The following NFATC2IP variants were observed in gnomAD, a reference collection of about 807,000 sequenced individuals.
The protein encoded by NFATC2IP is nuclear factor of activated T cells 2 interacting protein.
A neutral mutation model predicts 40.2 loss-of-function variants in NFATC2IP; 25 were observed. The observed-to-expected ratio is 0.62, with a 90% confidence interval of 0.45 to 0.87. The LOEUF (loss-of-function observed/expected upper bound fraction) is 0.87. Ranked by LOEUF, NFATC2IP falls within the 40% of genes least tolerant of loss-of-function variation. NFATC2IP has a pLI of 0.00. For synonymous variants in NFATC2IP, 241 were observed against 236.3 expected (o/e 1.02, Z -0.18); for missense variants, 553 against 555.6 (o/e 1.00, Z 0.05).
rs1374358406 is a variant in NFATC2IP at position 28,952,328 on chromosome 16, T to A, written c.460+124T>A. 4 of 1,436,172 alleles carry A rather than the reference T, an allele frequency of 2.8e-6. No homozygotes were observed. The African/African-American group carries it at 5.7e-5, about 20-fold the overall frequency. The allele number at this position is 1,436,172 out of a possible 1,614,324, so 89.0% of individuals were successfully genotyped here. ...AAGGGAAGAGCGTGGGAGAGGGGAC[T>A]CCTGCATCCCAGCCACAGGAGCTGG... On this transcript the variant is annotated intron_variant, in intron 2 of 7. Coordinates refer to ENST00000320805, the MANE Select transcript of NFATC2IP (RefSeq NM_032815.4).
chr16:28,959,152 C>G (rs1347983936), intron 7 of NFATC2IP, 52 bp downstream of exon 7: 1 of 1,072,698 alleles, frequency 9.3e-7, no homozygotes, highest in Non-Finnish European at 1.4e-6. Context: ...TCTGCTGCCT[C>G]TTGTCTCTCT....
Position 28,950,988 on chromosome 16 carries a change from G to T in NFATC2IP, c.-24G>T. On this transcript the variant is annotated 5_prime_UTR_variant, in exon 1 of 8. Coordinates refer to ENST00000320805, the MANE Select transcript of NFATC2IP (RefSeq NM_032815.4). ...CGGGGCGAGGCGAGAGGAGGCGGGC[G>T]TGTGTTGTGGAGGAAAGTGTGCCAT... is the stretch of plus-strand genomic sequence containing the variant. 6.8e-7 allele frequency: 1 copy of T among 1,469,710 alleles called. No individual in the cohort carries two copies. The highest frequency in any genetic ancestry group is 9.0e-7 in the Non-Finnish European group (1 of 1,115,758). 91.0% of individuals were successfully genotyped at this position (1,469,710 alleles called of 1,614,324 possible).
chr16:28,964,406 A>G lies in NFATC2IP; in HGVS notation c.*543A>G, dbSNP rs1393828231. The G allele has an allele frequency of 2.6e-5, 4 of 154,476 alleles. No homozygotes were observed. The highest frequency in any genetic ancestry group is 1.9e-4 in the East Asian group (1 of 5,392). 9.6% of individuals were successfully genotyped at this position (154,476 alleles called of 1,614,324 possible). A position where few individuals can be genotyped will look rare whatever the true frequency, so the allele number is the denominator to read the frequency against. ...TGGCTGAAGCGTAAGCAGACAACTG[A>G]GGTACTCTTTTGAAGGATGAAGGTG... On this transcript the variant is annotated 3_prime_UTR_variant, in exon 8 of 8. Transcript: ENST00000320805.
rs1965054617 is a variant in NFATC2IP, at chr16:28,959,024, C to T, written c.1025C>T (p.Thr342Ile). 6.2e-7 allele frequency: 1 copy of T among 1,614,056 alleles called. No individual in the cohort carries two copies. Among genetic ancestry groups the T allele is most frequent in the Non-Finnish European group, 8.5e-7 (1 of 1,179,904 alleles). ...CVVLTSSPEA[T>I]ETSQQLQLRV... The stretch of plus-strand genomic sequence containing the variant: ...GTACTAACAAGTTCTCCAGAGGCCA[C>T]AGAGACGTCCCAACAGCTCCAGCTC... The change falls in exon 7 of 8, where the codon ACA (threonine) becomes ATA (isoleucine). Residue 342 changes from threonine (T) to isoleucine (I), a missense_variant. Thr to Ile is a moderately conservative substitution (Grantham distance 89, BLOSUM62 -1). Coordinates refer to ENST00000320805, the MANE Select transcript of NFATC2IP (RefSeq NM_032815.4).
At chr16:28,956,102 C>T (rs73533880) in intron 4 of NFATC2IP, 44 bp downstream of exon 4, 77,982 of 1,612,870 alleles carry the variant, frequency 0.048, 9,054 homozygotes, top group South Asian at 0.29. Context: ...GAGGGCAATC[C>T]GGGAGGGTGG....
chr16:28,960,420 C>T (rs1425723751), intron 7 of NFATC2IP, among the ~76,000 whole-genome samples: 1 of 152,148 alleles, frequency 6.6e-6, no homozygotes, highest in East Asian at 1.9e-4. Context: ...CCAGCATCAA[C>T]TCTTAAGCCC....
chr16:28,954,294 T>C (rs1018163613), intron 2 of NFATC2IP, among the ~76,000 whole-genome samples: 10 of 152,186 alleles, frequency 6.6e-5, no homozygotes, highest in African/African-American at 1.2e-4. Context: ...AGCGGGCAAA[T>C]AGAAATTTCT....
At chr16:28,961,074 T>A (rs1965080548) in intron 7 of NFATC2IP, among the ~76,000 whole-genome samples, 1 of 152,032 alleles carries the variant, frequency 6.6e-6, no homozygotes, top group Admixed American at 6.6e-5. Flanking sequence ...ACATCTGTAA[T>A]CCTAACACTT....
intron 3 of NFATC2IP, among the ~76,000 whole-genome samples, chr16:28,955,638 GC>G (rs2141641505): frequency 6.6e-6 from 1 of 152,060 alleles, no homozygotes; most frequent in African/African-American, 2.4e-5. Flanking sequence ...TCACTCCATT[GC>G]CCAGGCTGGA....
At chr16:28,959,681 C>G (rs1965063152) in intron 7 of NFATC2IP, among the ~76,000 whole-genome samples, 1 of 146,640 alleles carries the variant, frequency 6.8e-6, no homozygotes, top group Non-Finnish European at 1.5e-5. Context: ...TCAAGTGATT[C>G]TCTTTCCTCA....
chr16:28,953,357 G>A (rs1282255434), intron 2 of NFATC2IP, among the ~76,000 whole-genome samples: 1 of 152,140 alleles, frequency 6.6e-6, no homozygotes, highest in Non-Finnish European at 1.5e-5. Context: ...ACAGGCGTGA[G>A]CCACCACGCC....
At chr16:28,961,946 C>T (rs113458503) in intron 7 of NFATC2IP, among the ~76,000 whole-genome samples, 70,746 of 148,804 alleles carry the variant, frequency 0.48, 18,574 homozygotes, top group African/African-American at 0.71. Context: ...CTCTGTTGCC[C>T]AGGCTGGAGT....
intron 2 of NFATC2IP, among the ~76,000 whole-genome samples, chr16:28,953,181 T>G (rs1007212137): frequency 2.6e-5 from 4 of 151,960 alleles, no homozygotes; most frequent in Admixed American, 2.6e-4. Context: ...TTGAAGCCAT[T>G]CTCCTGCCTC....
chr16:28,953,379 A>T (rs1023136198), intron 2 of NFATC2IP, among the ~76,000 whole-genome samples: 1 of 152,146 alleles, frequency 6.6e-6, no homozygotes, highest in Non-Finnish European at 1.5e-5. Flanking sequence ...AGCCTGGGCA[A>T]GTTTCTTAAT....
Position 28,956,051 on chromosome 16 carries a change from A to C in NFATC2IP, c.652A>C (p.Lys218Gln). ...CAGAACGCATACTCGGGCACTCAAGAAGTTAAGGTGCCAAGTGCAGGGGCT... is the reference window on the plus strand; with the variant it reads ...CAGAACGCATACTCGGGCACTCAAGCAGTTAAGGTGCCAAGTGCAGGGGCT... ...KSRTHTRALK[K>Q]LSEVNKRLQD... The change falls in exon 4 of 8, where the codon AAG (lysine) becomes CAG (glutamine). Residue 218 changes from lysine to glutamine, a missense_variant. Transcript: ENST00000320805. 3 of 1,613,980 alleles carry C rather than the reference A, an allele frequency of 1.9e-6. No homozygotes were observed. Among genetic ancestry groups the C allele is most frequent in the Non-Finnish European group, 2.5e-6 (3 of 1,179,958 alleles).
intron 3 of NFATC2IP, among the ~76,000 whole-genome samples, chr16:28,954,975 A>G (rs1377553737): frequency 1.3e-5 from 2 of 152,042 alleles, no homozygotes; most frequent in African/African-American, 2.4e-5. Context: ...CTCTTTCTTC[A>G]TCTATAAAAC....
At chr16:28,961,343 A>G (rs1457379216) in intron 7 of NFATC2IP, among the ~76,000 whole-genome samples, 1 of 150,868 alleles carries the variant, frequency 6.6e-6, no homozygotes, top group Non-Finnish European at 1.5e-5. Context: ...AAAAAAAAAA[A>G]AAAAAAAAAA....
In NFATC2IP at chr16:28,963,929, A is replaced by G. The variant is rs1261481858; in HGVS notation, c.*66A>G. 13 of 1,488,420 alleles carry G rather than the reference A, an allele frequency of 8.7e-6. No homozygotes were observed. The highest frequency in any genetic ancestry group is 6.9e-5 in the South Asian group (6 of 86,356). The allele number at this position is 1,488,420 out of a possible 1,614,324, so 92.2% of individuals were successfully genotyped here. ...AGAATGACTTTCCCTTTTTTGCCCC[A>G]TAAGGGCTAGCATAAGCTGAGGTAG... On this transcript the variant is annotated 3_prime_UTR_variant, in exon 8 of 8. Transcript: ENST00000320805.
chr16:28,954,803 T>C, intron 3 of NFATC2IP, 121 bp downstream of exon 3: 1 of 623,306 alleles, frequency 1.6e-6, no homozygotes, highest in Non-Finnish European at 2.9e-6. Context: ...GAAGGACTGT[T>C]GAGTTTCATG....
Sources: gnomAD v4.1 joint callset for allele counts (sites outside exome capture counted in the v4.1 genomes callset) on GRCh38, gnomAD v4.1.1 for gene constraint, MANE v1.5 for transcripts, NCBI Gene and HGNC (gene_info 2026-07-23, HGNC 2026-07-21) for gene names.